The following RUNDC3B variants were observed in gnomAD, a reference collection of about 807,000 sequenced individuals.
The protein encoded by RUNDC3B is RUN domain-containing protein 3B.
A neutral mutation model predicts 58.4 loss-of-function variants in RUNDC3B; 33 were observed. The ratio of observed to expected loss-of-function variants is 0.56; its 90% CI spans 0.43 to 0.75. RUNDC3B has a LOEUF of 0.75. RUNDC3B is among the 30% of genes least tolerant of loss of function. The pLI, the probability that RUNDC3B is intolerant of heterozygous loss-of-function variation, is 0.00. For missense variants in RUNDC3B, 501 were observed against 535.7 expected (o/e 0.94, Z 0.64); for synonymous variants, 193 against 195.2 (o/e 0.99, Z 0.10).
At chr7:87,644,401 AC>A (rs1822772557) in intron 1 of RUNDC3B, among the ~76,000 whole-genome samples, 1 of 152,230 alleles carries the variant, frequency 6.6e-6, no homozygotes, top group African/African-American at 2.4e-5. Context: ...GTTAGAGACT[AC>A]TAACAGCAAT....
At chr7:87,773,179 C>T (rs927119894) in intron 7 of RUNDC3B, among the ~76,000 whole-genome samples, 21 of 151,990 alleles carry the variant, frequency 1.4e-4, no homozygotes, top group African/African-American at 3.4e-4. Context: ...AAAAATTAGC[C>T]GGGCATGGTG....
Position 87,777,870 on chromosome 7 carries a change from CT to C in RUNDC3B, c.873del (p.Gln292LysfsTer17). On this transcript the variant is annotated frameshift_variant, in exon 8 of 11. Coordinates refer to ENST00000394654, the MANE Select transcript of RUNDC3B (RefSeq NM_001134405.2). LOFTEE classifies it high-confidence loss of function. The part of the protein sequence containing the change: ...SESVSQNKIL[L>X]QRIEDSDLAH... ...ATCTGTCTCCCAGAATAAAATACTA[CT>C]TCAAAGGATTGAAGATTCCGATCTG... is the stretch of plus-strand genomic sequence containing the variant. The C allele has an allele frequency of 6.2e-7, 1 of 1,613,054 alleles. No homozygotes were observed. The highest frequency in any genetic ancestry group is 8.5e-7 in the Non-Finnish European group (1 of 1,179,176).
chr7:87,777,752 A>G (rs766285915), intron 7 of RUNDC3B, 46 bp from the exon 8 acceptor site: 6 of 1,528,138 alleles, frequency 3.9e-6, no homozygotes, highest in Non-Finnish European at 5.4e-6. Context: ...CAGGATATGT[A>G]TTAGAATTTT....
intron 8 of RUNDC3B, among the ~76,000 whole-genome samples, chr7:87,803,237 G>A (rs990042542): frequency 1.6e-4 from 24 of 152,092 alleles, no homozygotes; most frequent in Admixed American, 1.1e-3. Context: ...AAATAAAACA[G>A]CTCTTTGAAC....
At chr7:87,639,996 G>T (rs1279973780) in intron 1 of RUNDC3B, among the ~76,000 whole-genome samples, 1 of 150,666 alleles carries the variant, frequency 6.6e-6, no homozygotes, top group East Asian at 1.9e-4. Flanking sequence ...TTTATTCCAT[G>T]ATTCCAGTTT....
At chr7:87,748,671 C>T (rs1178434140) in intron 6 of RUNDC3B, among the ~76,000 whole-genome samples, 1 of 151,966 alleles carries the variant, frequency 6.6e-6, no homozygotes, top group Non-Finnish European at 1.5e-5. Context: ...TCCTAGATGC[C>T]AGGGATACTT....
At chr7:87,725,651 T>C (rs989025020) in intron 4 of RUNDC3B, among the ~76,000 whole-genome samples, 2 of 152,220 alleles carry the variant, frequency 1.3e-5, no homozygotes, top group Admixed American at 6.5e-5. Context: ...TTCTAGATCC[T>C]TGAGGAATTG....
At chr7:87,721,085 A>C (rs1043588942) in intron 4 of RUNDC3B, among the ~76,000 whole-genome samples, 11 of 151,242 alleles carry the variant, frequency 7.3e-5, no homozygotes, top group African/African-American at 2.7e-4. Flanking sequence ...GCAGACACAG[A>C]GTACTATGTA....
chr7:87,662,056 G>A (rs1475566812), intron 2 of RUNDC3B, among the ~76,000 whole-genome samples: 1 of 152,028 alleles, frequency 6.6e-6, no homozygotes, highest in African/African-American at 2.4e-5. Flanking sequence ...GTCTTCTTTT[G>A]AGAAACATCT....
Position 87,784,894 on chromosome 7 carries a change from C to T in RUNDC3B, c.956+6939C>T, listed in dbSNP as rs188424557. 2.6e-5 allele frequency among the ~76,000 whole-genome samples: 4 copies of T among 152,186 alleles called. No homozygotes were observed. The East Asian group carries it at 7.8e-4, about 30-fold the overall frequency. ...CTCTGGTTGGCTGCATAAAAGGTCC[C>T]CTCCTTTAGGGACCTCTCAAGCTGA... On this transcript the variant is annotated intron_variant, in intron 8 of 10. Coordinates refer to ENST00000394654, the MANE Select transcript of RUNDC3B (RefSeq NM_001134405.2).
In RUNDC3B at chr7:87,671,377, C is replaced by T. The variant is rs569172573; in HGVS notation, c.238+20440C>T. Among the ~76,000 whole-genome samples the T allele has an allele frequency of 7.9e-5, 12 of 152,242 alleles. No homozygotes were observed. The South Asian group carries it at 2.1e-3, about 26-fold the overall frequency. On this transcript the variant is annotated intron_variant, in intron 2 of 10. Transcript: ENST00000394654. ...GGGAGTTGCCAAGTTGCTACTTGCT[C>T]GGTAGCTCTGGTAGAGGGTGGCTGG...
intron 2 of RUNDC3B, among the ~76,000 whole-genome samples, chr7:87,651,742 T>G (rs1018620125): frequency 2.0e-5 from 3 of 152,154 alleles, no homozygotes; most frequent in African/African-American, 7.2e-5. Flanking sequence ...TTCTATTCTG[T>G]ACTTTTTGAT....
At chr7:87,726,383 T>C (rs1459802528) in intron 4 of RUNDC3B, among the ~76,000 whole-genome samples, 1 of 152,222 alleles carries the variant, frequency 6.6e-6, no homozygotes, top group Non-Finnish European at 1.5e-5. Context: ...GTCAGGTTCG[T>C]CAAAGATCAG....
chr7:87,739,696 C>A, intron 4 of RUNDC3B, 95 bp from the exon 5 acceptor site: 1 of 463,170 alleles, frequency 2.2e-6, no homozygotes, highest in Non-Finnish European at 3.8e-6. Flanking sequence ...TAAAATTTAG[C>A]TCTTCCTACA....
At chr7:87,660,300 A>G (rs780697587) in intron 2 of RUNDC3B, among the ~76,000 whole-genome samples, 1 of 151,980 alleles carries the variant, frequency 6.6e-6, no homozygotes, top group South Asian at 2.1e-4. Context: ...AACTCTATTC[A>G]GGTTGTTGAT....
At position 87,816,285 on chromosome 7, in the gene RUNDC3B, G is replaced by C. The variant is rs111390844; in HGVS notation, c.1225+23G>C. 24 of 1,591,664 alleles carry C rather than the reference G, an allele frequency of 1.5e-5. 1 individual carries two copies. The highest frequency in any genetic ancestry group is 1.3e-4 in the African/African-American group (10 of 74,172). On this transcript the variant is annotated intron_variant, in intron 10 of 10. Transcript: ENST00000394654. ...AAGGTAAGAAAACAAAGAACTATTTGAAAATTACTCTTTTCCTGTACCATC... is the reference window on the plus strand; with the variant it reads ...AAGGTAAGAAAACAAAGAACTATTTCAAAATTACTCTTTTCCTGTACCATC...
chr7:87,766,629 T>G (rs971602978), intron 6 of RUNDC3B, among the ~76,000 whole-genome samples: 2 of 152,130 alleles, frequency 1.3e-5, no homozygotes, highest in African/African-American at 4.8e-5. Flanking sequence ...TCTGATAGAA[T>G]TTCCTTTATA....
chr7:87,751,047 G>C (rs1422565969), intron 6 of RUNDC3B, among the ~76,000 whole-genome samples: 2 of 152,004 alleles, frequency 1.3e-5, no homozygotes, highest in Non-Finnish European at 2.9e-5. Context: ...CTCTTCAATT[G>C]ATTTTTGTAT....
chr7:87,633,171 T>C (rs1038643423), intron 1 of RUNDC3B, among the ~76,000 whole-genome samples: 5 of 152,352 alleles, frequency 3.3e-5, no homozygotes, highest in Admixed American at 2.6e-4. Context: ...AATATTTGAG[T>C]TAAGCTTAAA....
Sources: allele counts gnomAD v4.1 joint callset (sites outside exome capture counted in the v4.1 genomes callset), GRCh38; gene constraint gnomAD v4.1.1; transcripts MANE v1.5; gene names NCBI Gene and HGNC (gene_info 2026-07-23, HGNC 2026-07-21).